SHPRH: variants seen among roughly 807,000 people sequenced by gnomAD.
The protein encoded by SHPRH is SNF2 histone linker PHD RING helicase, also known as E3 ubiquitin-protein ligase SHPRH.
A neutral mutation model predicts 202.5 loss-of-function variants in SHPRH; 106 were observed. The observed-to-expected ratio is 0.52, with a 90% CI of 0.45 to 0.62. The LOEUF is 0.62. Among genes scored for constraint, SHPRH ranks in the 20% least tolerant of loss-of-function variants. SHPRH has a pLI of 0.00. For missense variants in SHPRH, 1,710 were observed against 2,020.0 expected (o/e 0.85, Z 2.94); for synonymous variants, 729 against 686.0 (o/e 1.06, Z -0.98).
chr6:145,926,849 A>G (rs1784928444), intron 15 of SHPRH, among the ~76,000 whole-genome samples: 1 of 151,964 alleles, frequency 6.6e-6, no homozygotes, highest in African/African-American at 2.4e-5. Context: ...TTTTCTTTTT[A>G]ATGAAAACCA....
At chr6:145,946,867 T>C (rs1049041750) in intron 6 of SHPRH, among the ~76,000 whole-genome samples, 1 of 151,996 alleles carries the variant, frequency 6.6e-6, no homozygotes, top group Non-Finnish European at 1.5e-5. Context: ...ATTATAATTA[T>C]ACCTTTAACT....
chr6:145,917,991 T>C (rs1460217887), intron 23 of SHPRH, 140 bp downstream of exon 23: 1 of 516,418 alleles, frequency 1.9e-6, no homozygotes, highest in East Asian at 3.3e-5. Context: ...GAAGCTATTG[T>C]AGAGACATAG....
At position 145,888,028 on chromosome 6, in the gene SHPRH, A is replaced by C; in HGVS notation, c.4947T>G (p.Ala1649=). ...EERMQAMLKT[A]ERSHTNSSAK... ...GGTAAATTATTACCTACCTTCTCTC[A>C]GCAGTTTTCAGCATTGCCTGCATTC... Residue 1649 remains alanine (A), a synonymous_variant, in exon 29 of 30, where the codon GCT becomes GCG. Coordinates refer to ENST00000275233, the MANE Select transcript of SHPRH (RefSeq NM_001042683.3). The C allele has an allele frequency of 6.2e-7, 1 of 1,611,484 alleles. No homozygotes were observed. Among genetic ancestry groups the C allele is most frequent in the Non-Finnish European group, 8.5e-7 (1 of 1,177,826 alleles).
intron 25 of SHPRH, chr6:145,905,594 C>A (rs1476046548): frequency 6.6e-6 from 1 of 152,080 alleles, no homozygotes; most frequent in Non-Finnish European, 1.5e-5. Context: ...CTCTAGATTA[C>A]CTCATATAAT....
chr6:145,893,313 A>G lies in SHPRH; in HGVS notation c.4776T>C (p.Thr1592=), dbSNP rs781681225. The G allele has an allele frequency of 3.1e-6, 5 of 1,606,270 alleles. No individual in the cohort carries two copies. The highest frequency in any genetic ancestry group is 4.2e-6 in the Non-Finnish European group (5 of 1,176,548). The change falls in exon 28 of 30, where the codon ACT becomes ACC. Residue 1592 remains threonine (T), a synonymous_variant. Transcript: ENST00000275233. ...LPLHTGSNGL[T]IIEATHVLLV... is the part of the protein sequence containing the mutation. ...AGAGAACATGAGTTGCTTCAATGAT[A>G]GTTAATCCATTAGAACCTGTGTGCA...
intron 2 of SHPRH, among the ~76,000 whole-genome samples, chr6:145,952,687 C>T (rs1429024302): frequency 6.6e-6 from 1 of 151,950 alleles, no homozygotes; most frequent in Non-Finnish European, 1.5e-5. Context: ...ATGTACAATT[C>T]GAGTTGCTGG....
Position 145,922,842 on chromosome 6 carries a change from T to A in SHPRH, c.3546-6A>T, listed in dbSNP as rs1161549389. ...GACCTCTGCAATCACGGAACCTGATTCCCACACCAGCACCACACACAATAC... is the reference window on the plus strand; with the variant it reads ...GACCTCTGCAATCACGGAACCTGATACCCACACCAGCACCACACACAATAC... On this transcript the variant is annotated splice_region_variant and splice_polypyrimidine_tract_variant and intron_variant, in intron 18 of 29. Coordinates refer to ENST00000275233, the MANE Select transcript of SHPRH (RefSeq NM_001042683.3). The A allele has an allele frequency of 6.2e-7, 1 of 1,606,262 alleles. No homozygotes were observed. Among genetic ancestry groups the A allele is most frequent in the Non-Finnish European group, 8.5e-7 (1 of 1,176,172 alleles).
At chr6:145,912,845 A>G (rs1358501865) in intron 24 of SHPRH, among the ~76,000 whole-genome samples, 1 of 151,236 alleles carries the variant, frequency 6.6e-6, no homozygotes, top group Non-Finnish European at 1.5e-5. Context: ...AGCAATGAAT[A>G]GTCTGATATA....
At chr6:145,945,013 C>T (rs1787213183) in intron 8 of SHPRH, among the ~76,000 whole-genome samples, 1 of 151,928 alleles carries the variant, frequency 6.6e-6, no homozygotes, top group Non-Finnish European at 1.5e-5. Context: ...CTAGCTATGA[C>T]CACTGCATTC....
At chr6:145,894,472 C>A (rs1298076356) in intron 26 of SHPRH, among the ~76,000 whole-genome samples, 1 of 145,868 alleles carries the variant, frequency 6.9e-6, no homozygotes, top group Non-Finnish European at 1.5e-5. Flanking sequence ...TTAAGATAAA[C>A]AAACAGTAGA....
At chr6:145,934,507 T>TAAAATAAAATAAAATAAAATAAAATA (rs1554239366) in intron 13 of SHPRH, among the ~76,000 whole-genome samples, 1 of 150,338 alleles carries the variant, frequency 6.7e-6, no homozygotes, top group East Asian at 2.0e-4. Flanking sequence ...TAAAATAAAA[T>TAAAATAAAATAAAATAAAATAAAATA]AAAAAGTAGC....
At chr6:145,865,092 C>A (rs1162908995) in intron 2 of SHPRH, among the ~76,000 whole-genome samples, 1 of 152,076 alleles carries the variant, frequency 6.6e-6, no homozygotes, top group Non-Finnish European at 1.5e-5. Flanking sequence ...CATCTTCTTG[C>A]CCATAATTGT....
intron 14 of SHPRH, among the ~76,000 whole-genome samples, chr6:145,929,495 T>C (rs1461422610): frequency 6.6e-6 from 1 of 152,046 alleles, no homozygotes; most frequent in Non-Finnish European, 1.5e-5. Context: ...ATCTTCACAT[T>C]AGAAGAATCT....
rs771709209 is a variant in SHPRH, at chr6:145,950,388, T to C, written c.858A>G (p.Gln286=). The change falls in exon 4 of 30, where the codon CAA becomes CAG. Residue 286 remains glutamine, a synonymous_variant. Coordinates refer to ENST00000275233, the MANE Select transcript of SHPRH (RefSeq NM_001042683.3). ...CATCCACTTGGATGGACTGCGTTTC[T>C]TGCTGATGTGTTTGTTTCACAAAGT... ...LYHFVKQTHQ[Q]ETQSIQVDVQ... is the part of the protein sequence containing the mutation. The C allele has an allele frequency of 6.8e-6, 11 of 1,613,276 alleles. No homozygotes were observed. Among genetic ancestry groups the C allele is most frequent in the Admixed American group, 3.3e-5 (2 of 59,928 alleles).
At chr6:145,962,644 C>G (rs977682413) in intron 1 of SHPRH, among the ~76,000 whole-genome samples, 1 of 152,170 alleles carries the variant, frequency 6.6e-6, no homozygotes, top group African/African-American at 2.4e-5. Flanking sequence ...AATATTATTT[C>G]CTCTTTAAAA....
chr6:145,936,319 T>A (rs1786065094), intron 11 of SHPRH, among the ~76,000 whole-genome samples: 1 of 152,040 alleles, frequency 6.6e-6, no homozygotes, highest in Admixed American at 6.6e-5. Flanking sequence ...AGACTATGAG[T>A]GTAATTTTGT....
At chr6:145,927,338 C>T in intron 14 of SHPRH, 61 bp from the exon 15 acceptor site, 1 of 1,379,412 alleles carries the variant, frequency 7.2e-7, no homozygotes, top group South Asian at 1.2e-5. Flanking sequence ...CCAATGTCAT[C>T]TAGTTGTCCA....
At chr6:145,911,189 T>C (rs529602634) in intron 24 of SHPRH, among the ~76,000 whole-genome samples, 1 of 152,242 alleles carries the variant, frequency 6.6e-6, no homozygotes, top group Admixed American at 6.6e-5. Flanking sequence ...GTGCAAATGA[T>C]GCGGTCTTGG....
At chr6:145,915,698 A>T (rs948342094) in intron 23 of SHPRH, among the ~76,000 whole-genome samples, 1 of 152,076 alleles carries the variant, frequency 6.6e-6, no homozygotes, top group Non-Finnish European at 1.5e-5. Context: ...CACCAGTTTT[A>T]TTAGTGTTCC....
Sources: gnomAD v4.1 joint callset for allele counts (sites outside exome capture counted in the v4.1 genomes callset) on GRCh38, gnomAD v4.1.1 for gene constraint, MANE v1.5 for transcripts, NCBI Gene and HGNC (gene_info 2026-07-23, HGNC 2026-07-21) for gene names.